TANC2: variants seen among roughly 807,000 people sequenced by gnomAD.
TANC2 encodes tetratricopeptide repeat, ankyrin repeat and coiled-coil containing 2, also known as protein TANC2.
In TANC2, 26 loss-of-function variants were observed where a neutral mutation model predicts 210.5. The observed-to-expected ratio is 0.12, with a 90% CI of 0.09 to 0.17. TANC2 has a LOEUF of 0.17. TANC2 is among the 10% of genes least tolerant of loss of function. The pLI is 1.00. For missense variants in TANC2, 2,129 were observed against 2,608.9 expected (o/e 0.82, Z 4.01); for synonymous variants, 931 against 967.1 (o/e 0.96, Z 0.69).
At chr17:63,060,547 G>C (rs2144522950) in intron 2 of TANC2, among the ~76,000 whole-genome samples, 1 of 152,266 alleles carries the variant, frequency 6.6e-6, no homozygotes, top group Admixed American at 6.5e-5. Context: ...CTTGCACCAG[G>C]AGGCAGAGGT....
rs185867226 is a variant in TANC2, at chr17:63,198,713, T to C, written c.583-2058T>C. Among the ~76,000 whole-genome samples, 14 of 152,058 alleles carry C rather than the reference T, an allele frequency of 9.2e-5. No individual in the cohort carries two copies. In the East Asian group the frequency reaches 2.1e-3, roughly 23 times the overall value. ...AGAGCTTGCATGTTTGTTTTTTCCA[T>C]GTCACAAGTGATATTACTGTGTGCC... On this transcript the variant is annotated intron_variant, in intron 6 of 27. Transcript: ENST00000689528.
intron 1 of TANC2, among the ~76,000 whole-genome samples, chr17:62,993,406 C>T (rs971922344): frequency 1.3e-5 from 2 of 152,164 alleles, no homozygotes; most frequent in Non-Finnish European, 2.9e-5. Flanking sequence ...ATCTACAGAT[C>T]AATTTGGAGA....
intron 7 of TANC2, among the ~76,000 whole-genome samples, chr17:63,209,356 C>T (rs2041818377): frequency 6.6e-6 from 1 of 151,216 alleles, no homozygotes; most frequent in African/African-American, 2.4e-5. Context: ...TTCTCTGGCA[C>T]ATTGAATTAT....
rs200871160 is a variant in TANC2 at position 63,186,350 on chromosome 17, C to T, written c.434-7641C>T. ...AAGCAGTATGCCCTTCTCTCTCTCT[C>T]TTTTTTTTTTTTTTTTTTTGAGACA... On this transcript the variant is annotated intron_variant, in intron 5 of 27. Coordinates refer to ENST00000689528, the Ensembl canonical transcript of TANC2. Among the ~76,000 whole-genome samples the T allele has an allele frequency of 6.9e-3, 792 of 114,386 alleles. 12 individuals are homozygous for T. The highest frequency in any genetic ancestry group is 0.03 in the African/African-American group (735 of 24,396). The allele number at this position is 114,386 out of a possible 152,430, so 75.0% of individuals were successfully genotyped here. A position where few individuals can be genotyped will look rare whatever the true frequency, so the allele number is the denominator to read the frequency against.
At chr17:63,040,747 G>A (rs957633568) in intron 2 of TANC2, among the ~76,000 whole-genome samples, 2 of 152,142 alleles carry the variant, frequency 1.3e-5, no homozygotes, top group African/African-American at 4.8e-5. Context: ...GAGAATATGT[G>A]TATGGTTCCA....
At chr17:62,968,819 G>T (rs2031516881) in intron 1 of TANC2, among the ~76,000 whole-genome samples, 1 of 152,060 alleles carries the variant, frequency 6.6e-6, no homozygotes, top group African/African-American at 2.4e-5. Context: ...CCTCAGATTT[G>T]GTGTCTATTT....
At chr17:63,344,704 G>A (rs1167762455) in intron 12 of TANC2, among the ~76,000 whole-genome samples, 6 of 152,112 alleles carry the variant, frequency 3.9e-5, no homozygotes, top group Non-Finnish European at 2.9e-5. Flanking sequence ...ACAAAATACT[G>A]AAAATGAAAT....
intron 4 of TANC2, among the ~76,000 whole-genome samples, chr17:63,126,229 C>T (rs114936494): frequency 0.016 from 2,414 of 152,254 alleles, 58 homozygotes; most frequent in African/African-American, 0.055. Context: ...CAATGCCTGG[C>T]ATATAGTAGA....
At chr17:63,401,320 A>G (rs570409755) in intron 19 of TANC2, among the ~76,000 whole-genome samples, 2 of 152,324 alleles carry the variant, frequency 1.3e-5, no homozygotes, top group African/African-American at 2.4e-5. Flanking sequence ...GATGTTTCCT[A>G]TAATATGTAT....
intron 9 of TANC2, among the ~76,000 whole-genome samples, chr17:63,290,157 TG>T (rs1168446738): frequency 6.6e-6 from 1 of 152,158 alleles, no homozygotes; most frequent in East Asian, 1.9e-4. Context: ...GCTAGAAGCT[TG>T]AGGGGATTTT....
chr17:63,153,860 G>A (rs923977428), intron 5 of TANC2: 7 of 152,074 alleles, frequency 4.6e-5, no homozygotes, highest in Non-Finnish European at 1.0e-4. Flanking sequence ...TGACATCTGT[G>A]TACCCACGTC....
chr17:63,097,411 T>A (rs2144873472), intron 3 of TANC2, among the ~76,000 whole-genome samples: 1 of 152,176 alleles, frequency 6.6e-6, no homozygotes, highest in Middle Eastern at 3.4e-3. Context: ...CTTTATACCT[T>A]CTATTAAAAG....
At chr17:63,329,272 A>T (rs948697828) in intron 11 of TANC2, among the ~76,000 whole-genome samples, 1 of 152,138 alleles carries the variant, frequency 6.6e-6, no homozygotes, top group Non-Finnish European at 1.5e-5. Context: ...TATTTAAAGA[A>T]CTCTTTAAAA....
intron 14 of TANC2, among the ~76,000 whole-genome samples, chr17:63,375,347 C>T (rs1392030341): frequency 1.3e-5 from 2 of 152,216 alleles, no homozygotes; most frequent in African/African-American, 4.8e-5. Context: ...CAAAAGCAAG[C>T]AGTTATCTCT....
intron 8 of TANC2, among the ~76,000 whole-genome samples, chr17:63,240,720 C>G (rs370240454): frequency 8.5e-5 from 13 of 152,264 alleles, no homozygotes; most frequent in African/African-American, 3.1e-4. Context: ...AACCACCAGA[C>G]AGTAATAAGC....
intron 3 of TANC2, among the ~76,000 whole-genome samples, chr17:63,096,665 T>A (rs1234056023): frequency 6.6e-6 from 1 of 152,222 alleles, no homozygotes; most frequent in Non-Finnish European, 1.5e-5. Flanking sequence ...GCATTTGGGT[T>A]GTTTCCACTT....
At chr17:63,298,813 T>C (rs1464842564) in intron 9 of TANC2, among the ~76,000 whole-genome samples, 1 of 152,206 alleles carries the variant, frequency 6.6e-6, no homozygotes, top group Non-Finnish European at 1.5e-5. Flanking sequence ...GTAGGGTTGT[T>C]ACATAGGTAT....
At position 63,086,642 on chromosome 17, in the gene TANC2, A is replaced by G. The variant is rs187307019; in HGVS notation, c.140-12533A>G. Among the ~76,000 whole-genome samples, 641 of 152,280 alleles carry G rather than the reference A, an allele frequency of 4.2e-3. 5 individuals are homozygous for G. The highest frequency in any genetic ancestry group is 0.015 in the African/African-American group (621 of 41,546). On this transcript the variant is annotated intron_variant, in intron 3 of 27. Transcript: ENST00000689528. ...ATATTAATCATAATTGTTTACATTT[A>G]TAGTCAGAACCAGTTTATAGCAGGG...
chr17:63,206,233 A>T (rs1022029178), intron 7 of TANC2, among the ~76,000 whole-genome samples: 10 of 152,172 alleles, frequency 6.6e-5, no homozygotes, highest in African/African-American at 1.2e-4. Context: ...AGAAATTGGA[A>T]CTCTCATACA....
Sources: gnomAD v4.1 joint callset for allele counts (sites outside exome capture counted in the v4.1 genomes callset) on GRCh38, gnomAD v4.1.1 for gene constraint, MANE v1.5 for transcripts, NCBI Gene and HGNC (gene_info 2026-07-23, HGNC 2026-07-21) for gene names.